Variants in NFATC2 observed in about 807,000 individuals in gnomAD.
The protein encoded by NFATC2 is nuclear factor of activated T cells 2.
A neutral mutation model predicts 87.3 loss-of-function variants in NFATC2; 22 were observed. That is an observed-to-expected ratio of 0.25 (90% CI 0.18 to 0.36). The LOEUF is 0.36. Among genes scored for constraint, NFATC2 ranks in the 10% least tolerant of loss-of-function variants. The probability of loss-of-function intolerance (pLI) is 1.00; values close to 1 mark genes in which losing one functional copy is unlikely to be tolerated. For synonymous variants in NFATC2, 565 were observed against 542.2 expected (o/e 1.04, Z -0.58); for missense variants, 1,149 against 1,259.1 (o/e 0.91, Z 1.32).
At chr20:51,470,887 T>G (rs1045922979) in intron 5 of NFATC2, among the ~76,000 whole-genome samples, 1 of 152,072 alleles carries the variant, frequency 6.6e-6, no homozygotes, top group African/African-American at 2.4e-5. Context: ...AGTGGCCAAC[T>G]GGTAGCTCAG....
intron 3 of NFATC2, among the ~76,000 whole-genome samples, chr20:51,488,798 T>C (rs2075828605): frequency 6.6e-6 from 1 of 152,152 alleles, no homozygotes; most frequent in East Asian, 1.9e-4. Context: ...CTATCCTGAA[T>C]AGAATCTCCA....
Position 51,552,242 on chromosome 20 carries a change from A to C in NFATC2, c.70+10318T>G, listed in dbSNP as rs1038947645. 7.2e-5 allele frequency among the ~76,000 whole-genome samples: 11 copies of C among 152,240 alleles called. No homozygotes were observed. The South Asian group carries it at 1.9e-3, about 26-fold the overall frequency. On this transcript the variant is annotated intron_variant, in intron 1 of 10. Transcript: ENST00000414705. Reference sequence around the variant, plus strand: ...CAGTGAGCCGTGTTCGTGCCACTGCACTCCAGCCCAGGTGACAGAGCAAGT... The same window carrying C: ...CAGTGAGCCGTGTTCGTGCCACTGCCCTCCAGCCCAGGTGACAGAGCAAGT...
intron 1 of NFATC2, among the ~76,000 whole-genome samples, chr20:51,561,414 AAG>A (rs1359433983): frequency 6.8e-6 from 1 of 147,426 alleles, no homozygotes; most frequent in African/African-American, 2.7e-5. Context: ...AAAAGAAAGA[AAG>A]AAAGAGAGAG....
At chr20:51,519,020 G>A (rs1258862659) in intron 2 of NFATC2, among the ~76,000 whole-genome samples, 3 of 151,764 alleles carry the variant, frequency 2.0e-5, no homozygotes, top group Non-Finnish European at 4.4e-5. Flanking sequence ...GAGCCACTGC[G>A]CCTGGCCACT....
intron 9 of NFATC2, among the ~76,000 whole-genome samples, chr20:51,428,105 G>A (rs1182407940): frequency 6.6e-6 from 1 of 152,112 alleles, no homozygotes; most frequent in Non-Finnish European, 1.5e-5. Flanking sequence ...AGGGAGAGAG[G>A]GAAGAAGGAA....
chr20:51,531,237 G>A (rs907344283), intron 1 of NFATC2, among the ~76,000 whole-genome samples: 23 of 152,220 alleles, frequency 1.5e-4, no homozygotes, highest in Admixed American at 7.9e-4. Flanking sequence ...GGAGGCCTGC[G>A]CACAGCAGAG....
intron 1 of NFATC2, among the ~76,000 whole-genome samples, chr20:51,527,229 C>T (rs2076559371): frequency 6.6e-6 from 1 of 152,122 alleles, no homozygotes; most frequent in South Asian, 2.1e-4. Context: ...CATCAAGCTC[C>T]TTCCTGCCCC....
intron 1 of NFATC2, among the ~76,000 whole-genome samples, chr20:51,549,623 C>T (rs2076916863): frequency 6.6e-6 from 1 of 152,262 alleles, no homozygotes; most frequent in South Asian, 2.1e-4. Flanking sequence ...TTCTTCCTCT[C>T]ACTCTGTGAC....
chr20:51,413,125 C>T (rs1027317248), intron 9 of NFATC2, among the ~76,000 whole-genome samples: 2 of 151,684 alleles, frequency 1.3e-5, no homozygotes, highest in Admixed American at 6.6e-5. Context: ...CAGGATGACC[C>T]GGTGCTGGGC....
intron 6 of NFATC2, among the ~76,000 whole-genome samples, chr20:51,440,006 G>C (rs566014458): frequency 6.6e-6 from 1 of 152,302 alleles, no homozygotes; most frequent in East Asian, 1.9e-4. Context: ...GGAGGCCAAG[G>C]CGGGCGGATC....
rs1988481927 is a variant in NFATC2 at position 51,474,012 on chromosome 20, G to C, written c.1676C>G (p.Ser559Cys). The C allele has an allele frequency of 6.2e-7, 1 of 1,614,130 alleles. No individual in the cohort carries two copies. The highest frequency in any genetic ancestry group is 1.7e-5 in the Admixed American group (1 of 60,010). ...GATGGGGTTAGATGCAGTCTGTAAA[G>C]AGACGATTCTGCCACTGGACTCTGG... ...HIPESSGRIV[S>C]LQTASNPIEC... Residue 559 changes from serine to cysteine, a missense_variant, in exon 5 of 11, where the codon TCT becomes TGT. Ser to Cys is a moderately radical substitution (Grantham distance 112). Transcript: ENST00000371564.
rs1982892260 is a variant in NFATC2 at position 51,432,475 on chromosome 20, C to T, written c.2314G>A (p.Ala772Thr). ...GCGTCCGCAAGGGACAGCGGGGCGG[C>T]CATGAGGGCCGGCTGCTGATAGCCC... ...LLGYQQPALMAAPLSLADAHR... is the reference protein window; with the variant it reads ...LLGYQQPALMTAPLSLADAHR... The change falls in exon 9 of 11, where the codon GCC becomes ACC. Residue 772 changes from alanine (A) to threonine (T), a missense_variant. Ala to Thr is a moderately conservative substitution (Grantham distance 58). This residue lies in a region of NFATC2 where 581 missense variants were observed against 649.7 expected (regional missense o/e 0.89). Transcript: ENST00000371564. The surrounding 1 kb of genome is among the most constrained non-coding windows in gnomAD (Gnocchi z 4.6). 2 of 1,554,200 alleles carry T rather than the reference C, an allele frequency of 1.3e-6. No homozygotes were observed. The highest frequency in any genetic ancestry group is 1.4e-5 in the African/African-American group (1 of 73,322).
At chr20:51,536,911 AC>A (rs2076730823) in intron 1 of NFATC2, among the ~76,000 whole-genome samples, 1 of 151,960 alleles carries the variant, frequency 6.6e-6, no homozygotes, top group African/African-American at 2.4e-5. Context: ...ACACACACAC[AC>A]ACACACACAC....
At chr20:51,475,381 C>T (rs1039756377) in intron 4 of NFATC2, 77 bp downstream of exon 4, 19 of 1,413,892 alleles carry the variant, frequency 1.3e-5, no homozygotes, top group Admixed American at 1.7e-5. Context: ...TGTAGAGTCC[C>T]CTCTCCCAAA....
chr20:51,556,981 C>T (rs2076984050), intron 1 of NFATC2, among the ~76,000 whole-genome samples: 1 of 152,112 alleles, frequency 6.6e-6, no homozygotes, highest in African/African-American at 2.4e-5. Context: ...CGGGCTGGCT[C>T]CTTTAGGGGG....
intron 1 of NFATC2, among the ~76,000 whole-genome samples, chr20:51,527,912 G>A (rs1389943827): frequency 1.3e-5 from 2 of 151,878 alleles, no homozygotes; most frequent in Non-Finnish European, 2.9e-5. Context: ...ACCAGCCTGG[G>A]CAACGTAGAG....
At chr20:51,413,120 T>G (rs1979527809) in intron 9 of NFATC2, among the ~76,000 whole-genome samples, 1 of 151,320 alleles carries the variant, frequency 6.6e-6, no homozygotes. Context: ...AACTGCAGGA[T>G]GACCCGGTGC....
chr20:51,473,834 G>C, intron 5 of NFATC2, 146 bp downstream of exon 5: 5 of 735,258 alleles, frequency 6.8e-6, no homozygotes, highest in African/African-American at 1.8e-5. Context: ...TGTCCCCTCT[G>C]GTCATCTTGG....
chr20:51,399,966 A>G (rs567507867), intron 9 of NFATC2, among the ~76,000 whole-genome samples: 4 of 152,182 alleles, frequency 2.6e-5, no homozygotes, highest in African/African-American at 9.6e-5. Context: ...GCCAAAACCA[A>G]TCTCTGGATC....
Sources: allele counts gnomAD v4.1 joint callset (sites outside exome capture counted in the v4.1 genomes callset), GRCh38; gene constraint gnomAD v4.1.1; regional missense constraint gnomAD v4.1.1; non-coding constraint Gnocchi (gnomAD v3.1); transcripts MANE v1.5; gene names NCBI Gene and HGNC (gene_info 2026-07-23, HGNC 2026-07-21).